Variants in ZMYM6 observed in about 807,000 individuals in gnomAD.
ZMYM6 encodes zinc finger MYM-type containing 6.
ZMYM6 carries 90 observed loss-of-function variants against 134.0 expected under a neutral mutation model. The observed-to-expected ratio is 0.67, with a 90% CI of 0.57 to 0.80. The LOEUF (loss-of-function observed/expected upper bound fraction) is 0.80. Ranked by LOEUF, ZMYM6 falls within the 30% of genes least tolerant of loss-of-function variation. The pLI is 0.00. For synonymous variants in ZMYM6, 481 were observed against 524.1 expected (o/e 0.92, Z 1.12); for missense variants, 1,362 against 1,533.9 (o/e 0.89, Z 1.87).
At chr1:35,024,554 T>C (rs1641371752) in intron 2 of ZMYM6, among the ~76,000 whole-genome samples, 1 of 152,178 alleles carries the variant, frequency 6.6e-6, no homozygotes, top group Non-Finnish European at 1.5e-5. Context: ...ATCCTTGGAC[T>C]CCTCTTTGAC....
chr1:35,017,930 A>G (rs1641234217), intron 4 of ZMYM6: 1 of 152,244 alleles, frequency 6.6e-6, no homozygotes, highest in Non-Finnish European at 1.5e-5. Flanking sequence ...TGTTGAAACA[A>G]TATCTAAAAA....
chr1:35,014,597 G>A, intron 6 of ZMYM6, 100 bp downstream of exon 6: 1 of 1,129,570 alleles, frequency 8.9e-7, no homozygotes, highest in Non-Finnish European at 1.3e-6. Flanking sequence ...ATATCAGGAT[G>A]GACTAATGGG....
Position 34,988,872 on chromosome 1 carries a change from CT to C in ZMYM6, c.2209del (p.Arg737AspfsTer2), listed in dbSNP as rs1557554254. On this transcript the variant is annotated frameshift_variant, in exon 16 of 16. Coordinates refer to ENST00000357182, the MANE Select transcript of ZMYM6 (RefSeq NM_007167.4). LOFTEE classifies it high-confidence loss of function. ...ELDSPPSKKK[R>X]LGFFQTYDTE... The stretch of plus-strand genomic sequence containing the variant: ...ATCATAAGTCTGGAAAAAACCTAAT[CT>C]TTTTTTCTTTGAAGGTGGAGAATCA... The C allele has an allele frequency of 1.2e-6, 2 of 1,610,380 alleles. No individual in the cohort carries two copies. Among genetic ancestry groups the C allele is most frequent in the Non-Finnish European group, 1.7e-6 (2 of 1,178,172 alleles).
At position 34,989,147 on chromosome 1, in the gene ZMYM6, A is replaced by T. The variant is rs1640622939; in HGVS notation, c.2147-212T>A. 3.0e-6 allele frequency: 4 copies of T among 1,343,904 alleles called. No individual in the cohort carries two copies. The South Asian group carries it at 5.1e-5, about 17-fold the overall frequency. The allele number at this position is 1,343,904 out of a possible 1,614,324, so 83.2% of individuals were successfully genotyped here. A position where few individuals can be genotyped will look rare whatever the true frequency, so the allele number is the denominator to read the frequency against. On this transcript the variant is annotated intron_variant, in intron 15 of 15. Transcript: ENST00000357182. Reference sequence around the variant, plus strand: ...TGCCCAAAGCTTGATCACTAGGTATAATAAAACTGTAGGATGTGGTACATG... The same window carrying T: ...TGCCCAAAGCTTGATCACTAGGTATTATAAAACTGTAGGATGTGGTACATG...
chr1:34,994,360 C>T (rs374465647), intron 14 of ZMYM6, among the ~76,000 whole-genome samples: 9 of 152,104 alleles, frequency 5.9e-5, no homozygotes, highest in South Asian at 2.1e-4. Context: ...TGAGCAGAGA[C>T]CTTTTGAATT....
Position 35,008,674 on chromosome 1 carries a change from C to G in ZMYM6, c.1665+78G>C, listed in dbSNP as rs907319862. On this transcript the variant is annotated intron_variant, in intron 11 of 15. Coordinates refer to ENST00000357182, the MANE Select transcript of ZMYM6 (RefSeq NM_007167.4). ...GTGCTAAACACCAAATTTTTCTTCA[C>G]ATAATTTGAATACATTTTAAATAAA... is the stretch of plus-strand genomic sequence containing the variant. The G allele has an allele frequency of 2.9e-5, 43 of 1,495,782 alleles. No individual in the cohort carries two copies. In the East Asian group the frequency reaches 9.6e-4, roughly 33 times the overall value. 92.7% of individuals were successfully genotyped at this position (1,495,782 alleles called of 1,614,324 possible).
At chr1:34,995,682 G>C (rs1195972716) in intron 14 of ZMYM6, among the ~76,000 whole-genome samples, 2 of 152,144 alleles carry the variant, frequency 1.3e-5, no homozygotes, top group African/African-American at 4.8e-5. Context: ...AATGGCATGA[G>C]ATTTCATCGT....
At chr1:34,997,944 A>G (rs753706885) in intron 14 of ZMYM6, among the ~76,000 whole-genome samples, 15 of 152,220 alleles carry the variant, frequency 9.9e-5, no homozygotes, top group Middle Eastern at 3.4e-3. Flanking sequence ...TTTCCTACTG[A>G]TCTGAAATGC....
At position 34,986,172 on chromosome 1, in the gene ZMYM6, G is replaced by A. The variant is rs1391661034; in HGVS notation, c.*932C>T. The A allele has an allele frequency of 2.0e-5, 3 of 152,198 alleles. No homozygotes were observed. The highest frequency in any genetic ancestry group is 4.4e-5 in the Non-Finnish European group (3 of 68,026). 9.4% of individuals were successfully genotyped at this position (152,198 alleles called of 1,614,324 possible). On this transcript the variant is annotated 3_prime_UTR_variant, in exon 16 of 16. Transcript: ENST00000357182. ...AATTATATGAAATTCATATTTCAGT[G>A]TTCATGAATAAGTTTTATTTAAAAA...
intron 2 of ZMYM6, 124 bp from the exon 3 acceptor site, chr1:35,020,591 G>C: frequency 2.3e-6 from 1 of 432,028 alleles, no homozygotes; most frequent in Non-Finnish European, 3.3e-6. Context: ...TTTTTTTTTT[G>C]AGATGGAGTC....
chr1:35,012,121 G>C (rs1045282029), intron 7 of ZMYM6, 116 bp from the exon 8 acceptor site: 2 of 684,098 alleles, frequency 2.9e-6, no homozygotes, highest in Admixed American at 6.8e-5. Context: ...AAAAATCAAG[G>C]AACTTTATAA....
Position 35,019,394 on chromosome 1 carries a change from G to C in ZMYM6, c.387C>G (p.Cys129Trp). 3 of 1,614,188 alleles carry C rather than the reference G, an allele frequency of 1.9e-6. No individual in the cohort carries two copies. The highest frequency in any genetic ancestry group is 2.5e-6 in the Non-Finnish European group (3 of 1,180,040). ...RCITRHSSPACLPPPPKKTCT... is the reference protein window; with the variant it reads ...RCITRHSSPAWLPPPPKKTCT... ...AGGTTTTCTTGGGAGGAGGTGGCAG[G>C]CAGGCAGGTGAAGAATGTCTGGTGA... The change falls in exon 4 of 16, where the codon TGC becomes TGG. Residue 129 changes from cysteine to tryptophan, a missense_variant. Cys to Trp is a radical substitution (Grantham distance 215). This residue lies in a region of ZMYM6 where 503 missense variants were observed against 520.8 expected (regional missense o/e 0.97). Coordinates refer to ENST00000357182, the MANE Select transcript of ZMYM6 (RefSeq NM_007167.4).
chr1:35,020,829 C>A (rs1023934554), intron 2 of ZMYM6, among the ~76,000 whole-genome samples: 3 of 151,998 alleles, frequency 2.0e-5, no homozygotes, highest in African/African-American at 7.2e-5. Flanking sequence ...CCTCAGCCTC[C>A]CAAAGTGCTG....
chr1:34,990,919 C>T (rs866425748), intron 15 of ZMYM6, among the ~76,000 whole-genome samples: 2 of 152,288 alleles, frequency 1.3e-5, no homozygotes, highest in South Asian at 4.1e-4. Context: ...GGTTGGAGCA[C>T]AATGGCGCGA....
At chr1:35,011,771 T>C (rs956503571) in intron 8 of ZMYM6, 119 bp downstream of exon 8, 9 of 667,440 alleles carry the variant, frequency 1.3e-5, no homozygotes, top group African/African-American at 1.3e-4. Context: ...ATGAAACAAA[T>C]TTTTTTCTTT....
At chr1:35,012,683 T>A (rs1474678927) in intron 6 of ZMYM6, 102 bp from the exon 7 acceptor site, 2 of 1,486,512 alleles carry the variant, frequency 1.3e-6, no homozygotes, top group Non-Finnish European at 1.8e-6. Context: ...CGGTCCTTGG[T>A]TGAAATATTT....
intron 3 of ZMYM6, 47 bp downstream of exon 3, chr1:35,020,336 G>A (rs1641282951): frequency 6.6e-7 from 1 of 1,520,814 alleles, no homozygotes; most frequent in African/African-American, 1.4e-5. Flanking sequence ...TTAAAAGTCA[G>A]AATAAGCAAA....
Position 35,005,277 on chromosome 1 carries a change from T to G in ZMYM6, c.1814-5A>C, listed in dbSNP as rs952442755. ...TTTTTGCTTTAGAAATATTTACTGATTAAAATAAAAAGTTAAGATCTGGAA... is the reference window on the plus strand; with the variant it reads ...TTTTTGCTTTAGAAATATTTACTGAGTAAAATAAAAAGTTAAGATCTGGAA... On this transcript the variant is annotated splice_region_variant and splice_polypyrimidine_tract_variant and intron_variant, in intron 12 of 15. Transcript: ENST00000357182. The G allele has an allele frequency of 3.7e-6, 6 of 1,613,476 alleles. No homozygotes were observed. Among genetic ancestry groups the G allele is most frequent in the Non-Finnish European group, 4.2e-6 (5 of 1,179,756 alleles).
Position 35,030,722 on chromosome 1 carries a change from C to T in ZMYM6, c.-74-9G>A. ...AATGGATAGTTGGACACCTAAAATACATACTCAGGCTTATTCTTTTTTCTT... is the reference window on the plus strand; with the variant it reads ...AATGGATAGTTGGACACCTAAAATATATACTCAGGCTTATTCTTTTTTCTT... On this transcript the variant is annotated splice_polypyrimidine_tract_variant and intron_variant, in intron 1 of 15. Transcript: ENST00000357182. 1 of 1,291,714 alleles carries T rather than the reference C, an allele frequency of 7.7e-7. No individual in the cohort carries two copies. The highest frequency in any genetic ancestry group is 1.1e-6 in the Non-Finnish European group (1 of 915,206). 80.0% of individuals were successfully genotyped at this position (1,291,714 alleles called of 1,614,324 possible). A position where few individuals can be genotyped will look rare whatever the true frequency, so the allele number is the denominator to read the frequency against.
Sources: gnomAD v4.1 joint callset for allele counts (sites outside exome capture counted in the v4.1 genomes callset) on GRCh38, gnomAD v4.1.1 for gene constraint, gnomAD v4.1.1 regional missense constraint, MANE v1.5 for transcripts, NCBI Gene and HGNC (gene_info 2026-07-23, HGNC 2026-07-21) for gene names.